Variants in GLRX2 observed in about 807,000 individuals in gnomAD.
The protein encoded by GLRX2 is glutaredoxin 2, also known as bA101E13.1 (GRX2 glutaredoxin (thioltransferase) 2).
GLRX2 carries 12 observed loss-of-function variants against 16.4 expected under a neutral mutation model. That is an observed-to-expected ratio of 0.73 (90% CI 0.47 to 1.19). The LOEUF (loss-of-function observed/expected upper bound fraction) is 1.19, where lower values mean the gene tolerates loss of function less well. GLRX2 is among the 50% of genes most tolerant of loss of function. The pLI is 0.00. For synonymous variants in GLRX2, 95 were observed against 76.2 expected, an observed-to-expected ratio of 1.25 and a Z score of -1.28; for missense variants, 201 against 201.8, an observed-to-expected ratio of 1.00 and a Z score of 0.02.
At chr1:193,105,521 T>A (rs10921310), upstream of GLRX2, 1,131,421 of 1,546,182 alleles carry the variant, frequency 0.73, 415,752 homozygotes, top group South Asian at 0.82. Flanking sequence ...GGTCACCTCC[T>A]CGCAGCTGAG....
At chr1:193,097,055 T>C (rs963146415) in intron 3 of GLRX2, among the ~76,000 whole-genome samples, 4 of 152,248 alleles carry the variant, frequency 2.6e-5, no homozygotes, top group Non-Finnish European at 5.9e-5. Context: ...TTACTAAAGC[T>C]TTAAATAAAC....
chr1:193,101,500 T>C (rs1035281235), intron 1 of GLRX2, among the ~76,000 whole-genome samples: 6 of 152,226 alleles, frequency 3.9e-5, no homozygotes, highest in Non-Finnish European at 8.8e-5. Context: ...AAATTTCAAA[T>C]ATTCCATCCT....
upstream of GLRX2, chr1:193,105,433 C>T (rs994128890): frequency 2.7e-6 from 4 of 1,457,698 alleles, no homozygotes; most frequent in African/African-American, 4.4e-5. Context: ...CCGCGGATCC[C>T]GGGAGCCCGC....
chr1:193,097,689 CT>C lies in GLRX2; in HGVS notation c.254del (p.Lys85SerfsTer6). 6.2e-7 allele frequency: 1 copy of C among 1,612,952 alleles called. No individual in the cohort carries two copies. Among genetic ancestry groups the C allele is most frequent in the Non-Finnish European group, 8.5e-7 (1 of 1,179,296 alleles). ...TSCSYCTMAK[K>X]LFHDMNVNYK... is the part of the protein sequence containing the mutation. ...AGTTAACATTCATGTCATGGAAAAG[CT>C]TTTTTGCCATTGTACAGTAAGAACA... On this transcript the variant is annotated frameshift_variant, in exon 3 of 4. Coordinates refer to ENST00000367439, the MANE Select transcript of GLRX2 (RefSeq NM_197962.3). LOFTEE classifies it high-confidence loss of function.
At chr1:193,101,463 C>G (rs1572128096) in intron 1 of GLRX2, among the ~76,000 whole-genome samples, 1 of 152,162 alleles carries the variant, frequency 6.6e-6, no homozygotes, top group Non-Finnish European at 1.5e-5. Context: ...GTGTTTAAAG[C>G]TTGACACACT....
chr1:193,102,644 C>T (rs752031836), intron 1 of GLRX2, among the ~76,000 whole-genome samples: 14 of 152,108 alleles, frequency 9.2e-5, no homozygotes, highest in Admixed American at 1.3e-4. Flanking sequence ...TAAGCCACCG[C>T]GCCTGGCCTG....
At chr1:193,103,168 C>A (rs1166557700) in intron 1 of GLRX2, among the ~76,000 whole-genome samples, 3 of 151,952 alleles carry the variant, frequency 2.0e-5, no homozygotes, top group Non-Finnish European at 4.4e-5. Context: ...AAGTTCTCCA[C>A]CTAATAGGAA....
rs35831330 is a variant in GLRX2 at position 193,102,630 on chromosome 1, G to A, written c.120-1426C>T. 2.9e-4 allele frequency among the ~76,000 whole-genome samples: 44 copies of A among 152,228 alleles called. No homozygotes were observed. In the East Asian group the frequency reaches 8.1e-3, roughly 28 times the overall value. ...GGCCTCCCAAAGTGCTGGGATTACA[G>A]GTGTAAGCCACCGCGCCTGGCCTGA... On this transcript the variant is annotated intron_variant, in intron 1 of 3. Coordinates refer to ENST00000367439, the MANE Select transcript of GLRX2 (RefSeq NM_197962.3).
At chr1:193,105,184 C>A in intron 1 of GLRX2, 80 bp downstream of exon 1, 1 of 1,447,870 alleles carries the variant, frequency 6.9e-7, no homozygotes, top group Non-Finnish European at 9.0e-7. Context: ...GGCAAAGGGG[C>A]ACCTCCGCCC....
chr1:193,103,495 C>T (rs2103101500), intron 1 of GLRX2, among the ~76,000 whole-genome samples: 1 of 152,214 alleles, frequency 6.6e-6, no homozygotes, highest in Admixed American at 6.5e-5. Context: ...TGTTGTTAAT[C>T]TCTTACTCTG....
chr1:193,100,251 GA>G (rs1675046951), intron 2 of GLRX2, among the ~76,000 whole-genome samples: 2 of 152,190 alleles, frequency 1.3e-5, no homozygotes, highest in East Asian at 3.8e-4. Context: ...GAGGCAGGTA[GA>G]TTGCTTGAAA....
chr1:193,099,350 T>A (rs1417471155), intron 2 of GLRX2, among the ~76,000 whole-genome samples: 2 of 152,160 alleles, frequency 1.3e-5, no homozygotes, highest in Non-Finnish European at 2.9e-5. Context: ...TGTTTTGTTT[T>A]GTTTTTGTTT....
At chr1:193,098,696 C>A (rs1018930890) in intron 2 of GLRX2, among the ~76,000 whole-genome samples, 2 of 151,970 alleles carry the variant, frequency 1.3e-5, no homozygotes, top group Admixed American at 1.3e-4. Flanking sequence ...GGATTATAGG[C>A]ACCTGCCACC....
intron 1 of GLRX2, 143 bp downstream of exon 1, chr1:193,105,121 C>T (rs1027887536): frequency 2.4e-5 from 30 of 1,275,050 alleles, no homozygotes; most frequent in Non-Finnish European, 3.1e-5. Flanking sequence ...AGCGCCTCTG[C>T]GTGTTATGAC....
chr1:193,105,559 T>A, upstream of GLRX2: 1 of 1,602,476 alleles, frequency 6.2e-7, no homozygotes, highest in Non-Finnish European at 8.5e-7. Context: ...GCCCGAGCGC[T>A]GGATTCCAGC....
chr1:193,105,362 C>T lies in GLRX2; in HGVS notation c.21G>A (p.Ala7=). ...TCCAAACCAGCCGCGTCCCCGCCAG[C>T]GCCGCGCGGCGCCAAATCATGGTCA... MIWRRA[A]LAGTRLVWSR... Residue 7 remains alanine (A), a synonymous_variant, in exon 1 of 4, where the codon GCG becomes GCA. Coordinates refer to ENST00000367439, the MANE Select transcript of GLRX2 (RefSeq NM_197962.3). 1.3e-6 allele frequency: 2 copies of T among 1,546,306 alleles called. No individual in the cohort carries two copies. The highest frequency in any genetic ancestry group is 1.7e-6 in the Non-Finnish European group (2 of 1,156,842).
At chr1:193,105,459 C>G, upstream of GLRX2, 1 of 1,449,828 alleles carries the variant, frequency 6.9e-7, no homozygotes, top group Non-Finnish European at 9.0e-7. Flanking sequence ...CCGGCCCGGC[C>G]CCCGCCTTGC....
In GLRX2 at chr1:193,104,373, C is replaced by T. The variant is rs1675141061; in HGVS notation, c.119+891G>A. On this transcript the variant is annotated intron_variant, in intron 1 of 3. Transcript: ENST00000367439. The stretch of plus-strand genomic sequence containing the variant: ...TACTGTGTGCTAAGTAGGCAAAGTG[C>T]TATATTGACCCCAGGGATACGCAGA... Among the ~76,000 whole-genome samples, 3 of 152,176 alleles carry T rather than the reference C, an allele frequency of 2.0e-5. No individual in the cohort carries two copies. In the South Asian group the frequency reaches 6.2e-4, roughly 31 times the overall value.
chr1:193,101,920 C>A (rs76631253), intron 1 of GLRX2, among the ~76,000 whole-genome samples: 1 of 151,216 alleles, frequency 6.6e-6, no homozygotes, highest in African/African-American at 2.4e-5. Context: ...AAAAAAAAAA[C>A]TCAACCAGTT....
Sources: allele counts gnomAD v4.1 joint callset (sites outside exome capture counted in the v4.1 genomes callset), GRCh38; gene constraint gnomAD v4.1.1; transcripts MANE v1.5; gene names NCBI Gene and HGNC (gene_info 2026-07-23, HGNC 2026-07-21).